MAP3K19: variants seen among roughly 807,000 people sequenced by gnomAD.
MAP3K19 encodes the protein mitogen-activated protein kinase kinase kinase 19.
In MAP3K19, 91 loss-of-function variants were observed where a neutral mutation model predicts 114.4. The ratio of observed to expected loss-of-function variants is 0.80; its 90% CI spans 0.67 to 0.95. The LOEUF (loss-of-function observed/expected upper bound fraction) is 0.95. Ranked by LOEUF, MAP3K19 falls within the 40% of genes least tolerant of loss-of-function variation. MAP3K19 has a pLI of 0.00. For missense variants in MAP3K19, 1,471 were observed against 1,573.2 expected (o/e 0.94, Z 1.10); for synonymous variants, 518 against 530.5 (o/e 0.98, Z 0.32).
chr2:134,968,068 A>T (rs1264444633), intron 12 of MAP3K19, among the ~76,000 whole-genome samples: 4 of 152,140 alleles, frequency 2.6e-5, no homozygotes, highest in South Asian at 2.1e-4. Context: ...ACTCCCAACG[A>T]GCATGCTGCC....
intron 2 of MAP3K19, among the ~76,000 whole-genome samples, chr2:135,031,586 C>T (rs1300975028): frequency 6.6e-6 from 1 of 152,082 alleles, no homozygotes; most frequent in Non-Finnish European, 1.5e-5. Flanking sequence ...AGATTTTCCT[C>T]AGGAAAATGA....
chr2:134,991,737 T>A (rs992019284), intron 8 of MAP3K19, among the ~76,000 whole-genome samples, 157 bp from the exon 9 acceptor site: 1 of 152,212 alleles, frequency 6.6e-6, no homozygotes, highest in Admixed American at 6.5e-5. Context: ...AGAGGTGGAA[T>A]CATCACACAA....
rs760957989 is a variant in MAP3K19, at chr2:134,988,069, A to G, written c.803T>C (p.Leu268Pro). The G allele has an allele frequency of 1.2e-6, 2 of 1,613,798 alleles. No individual in the cohort carries two copies. The highest frequency in any genetic ancestry group is 2.2e-5 in the East Asian group (1 of 44,878). The change falls in exon 10 of 13, where the codon CTA becomes CCA. Residue 268 changes from leucine to proline, a missense_variant. Coordinates refer to ENST00000392915, the MANE Select transcript of MAP3K19 (RefSeq NM_025052.5). ...LSPSNEPPGA[L>P]VKSLMDPTLR... ...AGTCGGATCCATCAACGACTTAACT[A>G]GGGCTCCCGGAGGCTCGTTTGATGG...
chr2:135,040,713 C>T (rs1036926204), intron 1 of MAP3K19, among the ~76,000 whole-genome samples: 1 of 152,030 alleles, frequency 6.6e-6, no homozygotes, highest in South Asian at 2.1e-4. Context: ...GGGGAAATGC[C>T]GCAATACCAC....
At chr2:135,018,323 T>C (rs898379235) in intron 5 of MAP3K19, among the ~76,000 whole-genome samples, 2 of 148,708 alleles carry the variant, frequency 1.3e-5, no homozygotes, top group East Asian at 3.9e-4. Flanking sequence ...AGTAGTTTAA[T>C]TGAAGAAAGA....
intron 2 of MAP3K19, among the ~76,000 whole-genome samples, chr2:135,034,820 GGGGAGA>G (rs1400602264): frequency 9.9e-6 from 1 of 100,664 alleles, no homozygotes; most frequent in Non-Finnish European, 2.0e-5. Flanking sequence ...CGTGGGCTGT[GGGGAGA>G]GGGGGAGGGG....
intron 8 of MAP3K19, among the ~76,000 whole-genome samples, chr2:134,996,271 CTTTTTT>C (rs61265758): frequency 8.0e-5 from 10 of 125,782 alleles, no homozygotes; most frequent in Non-Finnish European, 1.0e-4. Context: ...CTTCTTATTT[CTTTTTT>C]TTTTTTTTTT....
intron 5 of MAP3K19, among the ~76,000 whole-genome samples, chr2:135,008,204 C>G (rs1430183374): frequency 6.6e-6 from 1 of 151,810 alleles, no homozygotes; most frequent in Non-Finnish European, 1.5e-5. Context: ...CTCACTGCAA[C>G]CTCCACCTCC....
intron 3 of MAP3K19, among the ~76,000 whole-genome samples, chr2:135,026,849 T>C (rs1380229115): frequency 1.3e-5 from 2 of 152,194 alleles, no homozygotes; most frequent in Non-Finnish European, 2.9e-5. Context: ...ACAGTAATCA[T>C]TTCAAGAAAT....
chr2:134,986,519 G>A lies in MAP3K19; in HGVS notation c.2353C>T (p.Pro785Ser), dbSNP rs144059874. The change falls in exon 10 of 13, where the codon CCC becomes TCC. Residue 785 changes from proline (P) to serine (S), a missense_variant. Physicochemically the swap from Pro to Ser is moderately conservative, Grantham distance 74 (BLOSUM62 -1). Transcript: ENST00000392915. ...TCAGGTGTCTGAGCCAAGTTCATGG[G>A]ATGAATTTCATCTTTGGAAGATAGA... ...EFLSSKDEIH[P>S]MNLAQTPEQS... 9.2e-4 allele frequency: 1,486 copies of A among 1,614,114 alleles called. 1 individual carries two copies. Among genetic ancestry groups the A allele is most frequent in the Non-Finnish European group, 1.1e-3 (1,332 of 1,180,010 alleles).
intron 2 of MAP3K19, among the ~76,000 whole-genome samples, chr2:135,039,224 T>G (rs1574059003): frequency 6.6e-6 from 1 of 151,246 alleles, no homozygotes; most frequent in South Asian, 2.1e-4. Context: ...TAAAACATAG[T>G]CAAGAGAGGC....
rs568295020 is a variant in MAP3K19, at chr2:135,024,503, C to A, written c.22+123G>T. 4.6e-4 allele frequency: 417 copies of A among 905,830 alleles called. 7 individuals carry two copies. In the South Asian group the frequency reaches 5.6e-3, roughly 12 times the overall value. The allele number at this position is 905,830 out of a possible 1,614,324, so 56.1% of individuals were successfully genotyped here. ...TCGTGGGCCTTGTACAGAGTCACTGCTCCATAAATAGCCGTGGACTTGATT... is the reference window on the plus strand; with the variant it reads ...TCGTGGGCCTTGTACAGAGTCACTGATCCATAAATAGCCGTGGACTTGATT... On this transcript the variant is annotated intron_variant, in intron 4 of 12. Coordinates refer to ENST00000392915, the MANE Select transcript of MAP3K19 (RefSeq NM_025052.5).
intron 5 of MAP3K19, among the ~76,000 whole-genome samples, chr2:135,015,976 C>A (rs1687562992): frequency 6.6e-6 from 1 of 151,934 alleles, no homozygotes; most frequent in Admixed American, 6.6e-5. Flanking sequence ...TGTGGTCAGG[C>A]AAAATGGCTC....
At chr2:134,966,267 A>AC (rs2105120501) in intron 12 of MAP3K19, among the ~76,000 whole-genome samples, 1 of 152,302 alleles carries the variant, frequency 6.6e-6, no homozygotes, top group Non-Finnish European at 1.5e-5. Flanking sequence ...GCTGGATCAC[A>AC]CGGCAGGTAG....
rs532413668 is a variant in MAP3K19 at position 134,979,016 on chromosome 2, C to A, written c.3920+1805G>T. Among the ~76,000 whole-genome samples the A allele has an allele frequency of 5.3e-5, 8 of 152,300 alleles. No homozygotes were observed. The South Asian group carries it at 1.7e-3, about 32-fold the overall frequency. ...TTATTTCTCTCAGCTTCCCCAAGTT[C>A]ATTTCTGTTTTCTTTAGACTTTCCC... On this transcript the variant is annotated intron_variant, in intron 12 of 12. Coordinates refer to ENST00000392915, the MANE Select transcript of MAP3K19 (RefSeq NM_025052.5).
At position 134,986,038 on chromosome 2, in the gene MAP3K19, GT is replaced by G. The variant is rs1009986835; in HGVS notation, c.2833del (p.Thr945ProfsTer2). The G allele has an allele frequency of 6.2e-7, 1 of 1,613,538 alleles. No individual in the cohort carries two copies. The highest frequency in any genetic ancestry group is 1.3e-5 in the African/African-American group (1 of 74,988). ...KSITYQMFGK[T>X]LSGTNSISQE... ...GGAAATTGAATTTGTGCCACTTAAGGTTTTTCCAAACATTTGATATGTGATT... is the reference window on the plus strand; with the variant it reads ...GGAAATTGAATTTGTGCCACTTAAGGTTTTCCAAACATTTGATATGTGATT... On this transcript the variant is annotated frameshift_variant, in exon 10 of 13. Transcript: ENST00000392915. LOFTEE classifies it high-confidence loss of function.
chr2:135,021,950 G>T, intron 4 of MAP3K19, 120 bp from the exon 5 acceptor site: 1 of 576,056 alleles, frequency 1.7e-6, no homozygotes, highest in Non-Finnish European at 2.9e-6. Context: ...CTGAAATAGT[G>T]GTCTGGGATC....
chr2:134,970,496 C>A (rs1417638606), intron 12 of MAP3K19, among the ~76,000 whole-genome samples: 1 of 151,608 alleles, frequency 6.6e-6, no homozygotes, highest in Non-Finnish European at 1.5e-5. Flanking sequence ...CTGAATCGAT[C>A]TAAGAGTTTT....
chr2:134,985,710 T>C, intron 10 of MAP3K19, 90 bp downstream of exon 10: 1 of 1,180,052 alleles, frequency 8.5e-7, no homozygotes, highest in Non-Finnish European at 1.2e-6. Context: ...TTAGGGTTTA[T>C]AATTCCTCAT....
Sources: allele counts gnomAD v4.1 joint callset (sites outside exome capture counted in the v4.1 genomes callset), GRCh38; gene constraint gnomAD v4.1.1; transcripts MANE v1.5; gene names NCBI Gene and HGNC (gene_info 2026-07-23, HGNC 2026-07-21).